Variants in CTNND2 observed in about 807,000 individuals in gnomAD.
CTNND2 encodes the protein catenin delta-2.
In CTNND2, 22 loss-of-function variants were observed where a neutral mutation model predicts 144.4. That is an observed-to-expected ratio of 0.15 (90% CI 0.11 to 0.22). The LOEUF is 0.22. CTNND2 is among the 10% of genes least tolerant of loss of function. The probability of loss-of-function intolerance (pLI) is 1.00; values close to 1 mark genes in which losing one functional copy is unlikely to be tolerated. For synonymous variants in CTNND2, 751 were observed against 695.6 expected (o/e 1.08, Z -1.25); for missense variants, 1,353 against 1,618.8 (o/e 0.84, Z 2.82).
At chr5:11,088,312 G>A (rs1750397552) in intron 15 of CTNND2, among the ~76,000 whole-genome samples, 2 of 152,284 alleles carry the variant, frequency 1.3e-5, no homozygotes, top group South Asian at 2.1e-4. Flanking sequence ...CACAGTGGAG[G>A]TCCAAAATGA....
At chr5:11,600,930 C>T (rs1581590448) in intron 2 of CTNND2, among the ~76,000 whole-genome samples, 2 of 152,002 alleles carry the variant, frequency 1.3e-5, no homozygotes, top group South Asian at 4.1e-4. Flanking sequence ...AGTGAGAAGG[C>T]AAGCTCACAG....
At chr5:11,813,084 A>C (rs1792428011) in intron 1 of CTNND2, among the ~76,000 whole-genome samples, 1 of 152,196 alleles carries the variant, frequency 6.6e-6, no homozygotes, top group Admixed American at 6.5e-5. Context: ...CGCATATATC[A>C]AAGTAGTCCC....
chr5:11,298,352 G>A (rs1749233136), intron 9 of CTNND2, among the ~76,000 whole-genome samples: 1 of 152,008 alleles, frequency 6.6e-6, no homozygotes, highest in Admixed American at 6.6e-5. Context: ...TGTATTTTTT[G>A]TAGAGATGGG....
At position 11,290,345 on chromosome 5, in the gene CTNND2, C is replaced by T. The variant is rs140693097; in HGVS notation, c.1629-53522G>A. Among the ~76,000 whole-genome samples the T allele has an allele frequency of 2.0e-3, 300 of 152,282 alleles. 3 individuals carry two copies. Among genetic ancestry groups the T allele is most frequent in the African/African-American group, 6.6e-3 (276 of 41,564 alleles). On this transcript the variant is annotated intron_variant, in intron 9 of 21. Transcript: ENST00000304623. ...ATGAGGTACCTGACGGGATGCTCATCGCATAAGAAGAGCTAAACCTAGCAC... is the reference window on the plus strand; with the variant it reads ...ATGAGGTACCTGACGGGATGCTCATTGCATAAGAAGAGCTAAACCTAGCAC...
At chr5:11,121,545 C>A (rs1352624229) in intron 12 of CTNND2, among the ~76,000 whole-genome samples, 1 of 152,110 alleles carries the variant, frequency 6.6e-6, no homozygotes, top group East Asian at 1.9e-4. Context: ...AAAGTGGATT[C>A]TATAATCTTT....
intron 2 of CTNND2, among the ~76,000 whole-genome samples, chr5:11,590,113 T>C (rs1257856817): frequency 2.0e-5 from 3 of 151,604 alleles, no homozygotes; most frequent in Non-Finnish European, 4.4e-5. Context: ...TGACGCGATC[T>C]AAGTGCACTG....
chr5:11,396,989 C>T (rs1428340867), intron 6 of CTNND2, 42 bp downstream of exon 6: 13 of 1,558,562 alleles, frequency 8.3e-6, no homozygotes, highest in South Asian at 1.2e-5. Context: ...CCCCACCTGT[C>T]CCCTTGGAGT....
intron 21 of CTNND2, among the ~76,000 whole-genome samples, chr5:10,974,973 TGTCCCACGTGTCTA>T (rs1736271038): frequency 6.6e-6 from 1 of 152,212 alleles, no homozygotes; most frequent in African/African-American, 2.4e-5. Context: ...CTGTCTAGGA[TGTCCCACGTGTCTA>T]GTTAGTGGTA....
chr5:11,378,188 C>T (rs149814736), intron 7 of CTNND2, among the ~76,000 whole-genome samples: 117 of 152,268 alleles, frequency 7.7e-4, no homozygotes, highest in African/African-American at 2.7e-3. Flanking sequence ...TGGAAATCAG[C>T]CTGTACTCCC....
At chr5:11,502,015 G>A (rs112068245) in intron 3 of CTNND2, among the ~76,000 whole-genome samples, 2,533 of 124,124 alleles carry the variant, frequency 0.02, 66 homozygotes, top group Middle Eastern at 0.029. Context: ...GTGACAGAGC[G>A]AGACTCCATC....
intron 2 of CTNND2, among the ~76,000 whole-genome samples, chr5:11,665,306 C>T (rs964017705): frequency 2.6e-5 from 4 of 152,134 alleles, no homozygotes; most frequent in Non-Finnish European, 5.9e-5. Context: ...TTATTCCATC[C>T]AGCTGCTTCA....
At chr5:11,321,553 C>G (rs1304848586) in intron 9 of CTNND2, among the ~76,000 whole-genome samples, 1 of 152,122 alleles carries the variant, frequency 6.6e-6, no homozygotes, top group Non-Finnish European at 1.5e-5. Context: ...CTTATCAACC[C>G]AAGGCATCTT....
At position 11,384,511 on chromosome 5, in the gene CTNND2, T is replaced by C. The variant is rs1758838151; in HGVS notation, c.1177+154A>G. 1 of 651,998 alleles carries C rather than the reference T, an allele frequency of 1.5e-6. No individual in the cohort carries two copies. The highest frequency in any genetic ancestry group is 1.8e-5 in the African/African-American group (1 of 54,720). 40.4% of individuals were successfully genotyped at this position (651,998 alleles called of 1,614,324 possible). On this transcript the variant is annotated intron_variant, in intron 7 of 21. Transcript: ENST00000304623. The surrounding 1 kb of genome is among the most constrained non-coding windows in gnomAD (Gnocchi z 5.2). Reference sequence around the variant, plus strand: ...ACAAACTGTAGGGAAGATACTGACTTGTTCCAGGAAAGCCCTGGCGTTCTC... The same window carrying C: ...ACAAACTGTAGGGAAGATACTGACTCGTTCCAGGAAAGCCCTGGCGTTCTC...
At chr5:11,587,391 A>G (rs1205190427) in intron 2 of CTNND2, among the ~76,000 whole-genome samples, 1 of 152,068 alleles carries the variant, frequency 6.6e-6, no homozygotes, top group Non-Finnish European at 1.5e-5. Flanking sequence ...TTAGTAAGAG[A>G]TGCCCTCAGA....
chr5:11,389,940 A>C (rs1407556806), intron 6 of CTNND2, among the ~76,000 whole-genome samples: 1 of 152,238 alleles, frequency 6.6e-6, no homozygotes, highest in African/African-American at 2.4e-5. Context: ...ATGAAATACA[A>C]ATGAATTTTG....
chr5:11,535,518 G>T (rs929307966), intron 3 of CTNND2, among the ~76,000 whole-genome samples: 1 of 152,042 alleles, frequency 6.6e-6, no homozygotes, highest in Admixed American at 6.6e-5. Context: ...ATTATAACAA[G>T]AACTTTTTTT....
intron 9 of CTNND2, among the ~76,000 whole-genome samples, chr5:11,244,923 T>G (rs1049205083): frequency 3.9e-5 from 6 of 152,198 alleles, no homozygotes; most frequent in Non-Finnish European, 8.8e-5. Flanking sequence ...AAATTTGTAT[T>G]ATTAATTATA....
rs765632024 is a variant in CTNND2 at position 11,706,216 on chromosome 5, G to A, written c.174+25920C>T. Reference sequence around the variant, plus strand: ...CAGCTGTGTGAGGTTCTGAGGAGGGGGCCCAGCTAGTCTGTGCCTGGACAT... The same window carrying A: ...CAGCTGTGTGAGGTTCTGAGGAGGGAGCCCAGCTAGTCTGTGCCTGGACAT... On this transcript the variant is annotated intron_variant, in intron 2 of 21. Transcript: ENST00000304623. Among the ~76,000 whole-genome samples, 125 of 152,104 alleles carry A rather than the reference G, an allele frequency of 8.2e-4. 4 individuals carry two copies. Among genetic ancestry groups the A allele is most frequent in the Non-Finnish European group, 4.3e-4 (29 of 68,030 alleles).
At chr5:11,599,761 G>A (rs1581588636) in intron 2 of CTNND2, among the ~76,000 whole-genome samples, 1 of 152,068 alleles carries the variant, frequency 6.6e-6, no homozygotes, top group African/African-American at 2.4e-5. Context: ...TTTCCCTTGG[G>A]GTTCTCAGAC....
Sources: gnomAD v4.1 joint callset for allele counts (sites outside exome capture counted in the v4.1 genomes callset) on GRCh38, gnomAD v4.1.1 for gene constraint, Gnocchi (gnomAD v3.1) non-coding constraint, MANE v1.5 for transcripts, NCBI Gene and HGNC (gene_info 2026-07-23, HGNC 2026-07-21) for gene names.